The following MYT1L variants were observed in gnomAD, a reference collection of about 807,000 sequenced individuals.
MYT1L encodes myelin transcription factor 1-like protein.
A neutral mutation model predicts 126.7 loss-of-function variants in MYT1L; 12 were observed. The observed-to-expected ratio is 0.09, with a 90% CI of 0.06 to 0.15. The LOEUF (loss-of-function observed/expected upper bound fraction) is 0.15, where lower values mean the gene tolerates loss of function less well. MYT1L is among the 10% of genes least tolerant of loss of function. The pLI is 1.00. For synonymous variants in MYT1L, 541 were observed against 604.2 expected (o/e 0.90, Z 1.53); for missense variants, 979 against 1,585.2 (o/e 0.62, Z 6.49).
intron 1 of MYT1L, among the ~76,000 whole-genome samples, chr2:2,312,669 T>C (rs146360628): frequency 1.3e-5 from 2 of 152,194 alleles, no homozygotes; most frequent in African/African-American, 4.8e-5. Context: ...TTTTTGACAG[T>C]TTCATTCTAT....
At chr2:2,180,564 G>A (rs570230462) in intron 2 of MYT1L, among the ~76,000 whole-genome samples, 3 of 151,240 alleles carry the variant, frequency 2.0e-5, no homozygotes, top group Non-Finnish European at 2.9e-5. Context: ...GTGTGGGCCC[G>A]TGTGTGTACC....
intron 2 of MYT1L, among the ~76,000 whole-genome samples, chr2:2,179,501 C>T (rs2091180296): frequency 6.6e-6 from 1 of 152,182 alleles, no homozygotes; most frequent in Admixed American, 6.5e-5. Flanking sequence ...ACATAGTGAC[C>T]ATGATTTGTA....
intron 1 of MYT1L, among the ~76,000 whole-genome samples, chr2:2,329,186 G>A (rs1414505335): frequency 6.6e-6 from 1 of 151,846 alleles, no homozygotes; most frequent in Non-Finnish European, 1.5e-5. Flanking sequence ...CAGAACAATG[G>A]CAGCCAACTC....
At chr2:2,248,305 A>G (rs1200020070) in intron 2 of MYT1L, among the ~76,000 whole-genome samples, 1 of 152,158 alleles carries the variant, frequency 6.6e-6, no homozygotes, top group Non-Finnish European at 1.5e-5. Context: ...TCCTAGACAC[A>G]TGCAACCTAC....
In MYT1L at chr2:1,892,090, G is replaced by T; in HGVS notation, c.2230C>A (p.Arg744Ser). The change falls in exon 15 of 25, where the codon CGC (arginine) becomes AGC (serine). Residue 744 changes from arginine to serine, a missense_variant. By Grantham distance (110) the Arg-to-Ser change is moderately radical. Coordinates refer to ENST00000647738, the MANE Select transcript of MYT1L (RefSeq NM_001303052.2). Reference protein sequence around the residue: ...TAILNLSTRCREMPQNLSTKP... With the variant: ...TAILNLSTRCSEMPQNLSTKP... ...GTGCTCAGGTTCTGCGGCATCTCGC[G>T]GCAGCGCGTGGACAGGTTGAGGATG... is the stretch of plus-strand genomic sequence containing the variant. The T allele has an allele frequency of 6.5e-7, 1 of 1,543,364 alleles. No homozygotes were observed.
intron 2 of MYT1L, among the ~76,000 whole-genome samples, chr2:2,248,173 A>T (rs930526972): frequency 6.9e-6 from 1 of 144,928 alleles, no homozygotes; most frequent in African/African-American, 2.9e-5. Context: ...AATAAATTTA[A>T]AAAAAAAGGA....
intron 3 of MYT1L, among the ~76,000 whole-genome samples, chr2:2,093,748 G>C (rs1396594017): frequency 6.6e-6 from 1 of 152,152 alleles, no homozygotes; most frequent in Non-Finnish European, 1.5e-5. Context: ...CGGTGTTTTA[G>C]ACGTGAAGTC....
chr2:2,128,541 A>G (rs1230707282), intron 3 of MYT1L, among the ~76,000 whole-genome samples: 2 of 152,222 alleles, frequency 1.3e-5, no homozygotes, highest in Non-Finnish European at 2.9e-5. Context: ...TGATTCATAC[A>G]TTCACTGGTG....
At chr2:2,234,373 T>C (rs1361403096) in intron 2 of MYT1L, among the ~76,000 whole-genome samples, 1 of 152,222 alleles carries the variant, frequency 6.6e-6, no homozygotes, top group East Asian at 1.9e-4. Context: ...CACACATTTG[T>C]AGGGTGCGGA....
intron 4 of MYT1L, among the ~76,000 whole-genome samples, chr2:2,012,222 T>C (rs2063900346): frequency 6.6e-6 from 1 of 152,210 alleles, no homozygotes; most frequent in South Asian, 2.1e-4. Context: ...CTGATTTATA[T>C]AATAAAGTTC....
At chr2:2,013,316 C>A (rs893020014) in intron 4 of MYT1L, among the ~76,000 whole-genome samples, 1 of 152,108 alleles carries the variant, frequency 6.6e-6, no homozygotes, top group Non-Finnish European at 1.5e-5. Flanking sequence ...CGCATGGGAA[C>A]CCCCTTTGTG....
At chr2:2,221,634 C>T (rs528075790) in intron 2 of MYT1L, among the ~76,000 whole-genome samples, 104 of 152,308 alleles carry the variant, frequency 6.8e-4, no homozygotes, top group African/African-American at 2.4e-3. Context: ...GGAGACGCCG[C>T]CCAGGCTCCC....
intron 3 of MYT1L, among the ~76,000 whole-genome samples, chr2:2,064,475 G>A (rs531894934): frequency 6.6e-6 from 1 of 152,298 alleles, no homozygotes; most frequent in South Asian, 2.1e-4. Flanking sequence ...ATGTAGATAC[G>A]GTGTAGGTTT....
At chr2:2,247,569 G>C (rs567102361) in intron 2 of MYT1L, among the ~76,000 whole-genome samples, 1 of 152,246 alleles carries the variant, frequency 6.6e-6, no homozygotes, top group Non-Finnish European at 1.5e-5. Flanking sequence ...AATGGCTACA[G>C]AATACACATT....
chr2:1,896,828 A>G (rs1013751530), intron 14 of MYT1L, among the ~76,000 whole-genome samples: 4 of 150,120 alleles, frequency 2.7e-5, no homozygotes, highest in Non-Finnish European at 5.9e-5. Flanking sequence ...TGCTACCTCT[A>G]TGTGACAACA....
chr2:2,309,642 C>T (rs2095923394), intron 1 of MYT1L, among the ~76,000 whole-genome samples: 1 of 151,800 alleles, frequency 6.6e-6, no homozygotes, highest in Non-Finnish European at 1.5e-5. Flanking sequence ...TATACTCTAC[C>T]CATACTCCAC....
In MYT1L at chr2:1,789,550, G is replaced by A. The variant is rs2031665932; in HGVS notation, c.*2317C>T. On this transcript the variant is annotated 3_prime_UTR_variant, in exon 25 of 25. Coordinates refer to ENST00000647738, the MANE Select transcript of MYT1L (RefSeq NM_001303052.2). ...AACGTTAGATGAGCAGCAGGTTTGT[G>A]CTTAAAATCCCTTTCCATTGTACAT... is the stretch of plus-strand genomic sequence containing the variant. 3 of 152,170 alleles carry A rather than the reference G, an allele frequency of 2.0e-5. No homozygotes were observed. The highest frequency in any genetic ancestry group is 2.0e-4 in the Admixed American group (3 of 15,272). 9.4% of individuals were successfully genotyped at this position (152,170 alleles called of 1,614,324 possible).
chr2:2,164,053 A>G (rs1413009183), intron 3 of MYT1L, among the ~76,000 whole-genome samples: 1 of 152,176 alleles, frequency 6.6e-6, no homozygotes, highest in African/African-American at 2.4e-5. Context: ...TATAATTTAT[A>G]TAAATTTAAT....
intron 15 of MYT1L, among the ~76,000 whole-genome samples, chr2:1,891,000 CTTTTA>C (rs563077596): frequency 0.02 from 3,039 of 151,926 alleles, 164 homozygotes; most frequent in Admixed American, 0.13. Context: ...GGGTCTCTGC[CTTTTA>C]TTTTATTTTT....
Sources: gnomAD v4.1 joint callset for allele counts (sites outside exome capture counted in the v4.1 genomes callset) on GRCh38, gnomAD v4.1.1 for gene constraint, MANE v1.5 for transcripts, NCBI Gene and HGNC (gene_info 2026-07-23, HGNC 2026-07-21) for gene names.